Variants in SORCS2 observed in about 807,000 individuals in gnomAD.
The protein encoded by SORCS2 is sortilin related VPS10 domain containing receptor 2.
SORCS2 carries 100 observed loss-of-function variants against 141.6 expected under a neutral mutation model. The ratio of observed to expected loss-of-function variants is 0.71; its 90% CI spans 0.60 to 0.83. The LOEUF (loss-of-function observed/expected upper bound fraction) is 0.83. Among genes scored for constraint, SORCS2 ranks in the 40% least tolerant of loss-of-function variants. The pLI, the probability that SORCS2 is intolerant of heterozygous loss-of-function variation, is 0.00. For missense variants in SORCS2, 1,646 were observed against 1,560.2 expected (o/e 1.05, Z -0.93); for synonymous variants, 789 against 676.9 (o/e 1.17, Z -2.57).
chr4:7,529,503 T>TG (rs1733897775), intron 2 of SORCS2, among the ~76,000 whole-genome samples: 1 of 152,184 alleles, frequency 6.6e-6, no homozygotes, highest in Non-Finnish European at 1.5e-5. Flanking sequence ...CAGGCTCCTC[T>TG]GGCCCAGGGC....
At chr4:7,380,660 G>C (rs527509519) in intron 1 of SORCS2, among the ~76,000 whole-genome samples, 37 of 152,384 alleles carry the variant, frequency 2.4e-4, no homozygotes, top group African/African-American at 8.2e-4. Context: ...AATAAAGTCA[G>C]GGCGGGGCGT....
At chr4:7,687,995 T>C (rs1422865711) in intron 10 of SORCS2, among the ~76,000 whole-genome samples, 2 of 152,224 alleles carry the variant, frequency 1.3e-5, no homozygotes, top group Non-Finnish European at 2.9e-5. Context: ...CCAGTACATC[T>C]GTTAAACCCT....
In SORCS2 at chr4:7,509,208, C is replaced by G. The variant is rs563972048; in HGVS notation, c.549-22322C>G. ...GAGCTGGGAGCATTCGCTGCCCCCCCAGAGCAAGGGGACAAAGGGAGATGG... is the reference window on the plus strand; with the variant it reads ...GAGCTGGGAGCATTCGCTGCCCCCCGAGAGCAAGGGGACAAAGGGAGATGG... On this transcript the variant is annotated intron_variant, in intron 2 of 26. Coordinates refer to ENST00000507866, the MANE Select transcript of SORCS2 (RefSeq NM_020777.3). Among the ~76,000 whole-genome samples the G allele has an allele frequency of 7.2e-4, 110 of 152,186 alleles. 2 individuals carry two copies. The highest frequency in any genetic ancestry group is 5.0e-4 in the Non-Finnish European group (34 of 68,030).
chr4:7,277,394 G>C (rs1715572276), intron 1 of SORCS2, among the ~76,000 whole-genome samples: 1 of 152,152 alleles, frequency 6.6e-6, no homozygotes. Context: ...GAGTGTGTTT[G>C]TGTGTGTGTG....
chr4:7,396,058 A>G (rs1248469634), intron 1 of SORCS2, among the ~76,000 whole-genome samples: 1 of 152,196 alleles, frequency 6.6e-6, no homozygotes, highest in Non-Finnish European at 1.5e-5. Context: ...AGATGTTCCC[A>G]GAGTCATTCT....
chr4:7,644,994 A>T (rs955624903), intron 4 of SORCS2, among the ~76,000 whole-genome samples: 1 of 152,254 alleles, frequency 6.6e-6, no homozygotes, highest in African/African-American at 2.4e-5. Flanking sequence ...AGCGCCTCCC[A>T]GGAGAGTGAG....
In SORCS2 at chr4:7,734,200, C is replaced by T. The variant is rs143438759; in HGVS notation, c.3209-72C>T. On this transcript the variant is annotated intron_variant, in intron 24 of 26. Coordinates refer to ENST00000507866, the MANE Select transcript of SORCS2 (RefSeq NM_020777.3). The stretch of plus-strand genomic sequence containing the variant: ...AGGCTGGGGACGGGTGGGGGACAGA[C>T]GGGATGGGCTGGGGATGGGACAGGG... The T allele has an allele frequency of 2.9e-3, 2,823 of 975,306 alleles. 47 individuals are homozygous for T. The African/African-American group carries it at 0.049, about 17-fold the overall frequency. The allele number at this position is 975,306 out of a possible 1,614,324, so 60.4% of individuals were successfully genotyped here. A position where few individuals can be genotyped will look rare whatever the true frequency, so the allele number is the denominator to read the frequency against.
intron 1 of SORCS2, among the ~76,000 whole-genome samples, chr4:7,363,370 C>G (rs538053910): frequency 3.9e-5 from 6 of 152,324 alleles, no homozygotes; most frequent in South Asian, 2.1e-4. Flanking sequence ...ACTATCACCA[C>G]TATCACCACC....
intron 2 of SORCS2, among the ~76,000 whole-genome samples, chr4:7,454,720 A>G (rs1461113348): frequency 2.2e-4 from 9 of 40,170 alleles, no homozygotes; most frequent in South Asian, 1.0e-3. Context: ...TGGGGTCAGG[A>G]GCTGTGTGTT....
rs771116529 is a variant in SORCS2 at position 7,193,165 on chromosome 4, G to A, written c.480+39G>A. 3 of 1,447,742 alleles carry A rather than the reference G, an allele frequency of 2.1e-6. No homozygotes were observed. The highest frequency in any genetic ancestry group is 2.7e-6 in the Non-Finnish European group (3 of 1,105,042). 89.7% of individuals were successfully genotyped at this position (1,447,742 alleles called of 1,614,324 possible). A position where few individuals can be genotyped will look rare whatever the true frequency, so the allele number is the denominator to read the frequency against. ...ACGCGCTCGCCGCGGCCCCTACCCGGGACACCGCGGGACACCCGGGCGGGA... is the reference window on the plus strand; with the variant it reads ...ACGCGCTCGCCGCGGCCCCTACCCGAGACACCGCGGGACACCCGGGCGGGA... On this transcript the variant is annotated intron_variant, in intron 1 of 26. Coordinates refer to ENST00000507866, the MANE Select transcript of SORCS2 (RefSeq NM_020777.3). This position sits in a 1 kb window ranked among gnomAD's most constrained non-coding sequence, Gnocchi z 4.8.
At chr4:7,508,754 T>A (rs1732428216) in intron 2 of SORCS2, among the ~76,000 whole-genome samples, 1 of 152,192 alleles carries the variant, frequency 6.6e-6, no homozygotes, top group Non-Finnish European at 1.5e-5. Context: ...GTTGCATTTT[T>A]AAAAATGGCT....
chr4:7,378,864 G>A (rs1053869700), intron 1 of SORCS2, among the ~76,000 whole-genome samples: 4 of 152,178 alleles, frequency 2.6e-5, no homozygotes, highest in Non-Finnish European at 5.9e-5. Flanking sequence ...TGAATGAGAG[G>A]AAAGACCACA....
Position 7,669,497 on chromosome 4 carries a change from C to G in SORCS2, c.1161+2284C>G, listed in dbSNP as rs1722678048. On this transcript the variant is annotated intron_variant, in intron 8 of 26. Coordinates refer to ENST00000507866, the MANE Select transcript of SORCS2 (RefSeq NM_020777.3). ...TAGCCTGCTTCCTCTCCACCCAGGT[C>G]AGGACAGCAGCCTGCCCAGTGTTTC... 2.0e-5 allele frequency among the ~76,000 whole-genome samples: 3 copies of G among 152,254 alleles called. No homozygotes were observed. The South Asian group carries it at 6.2e-4, about 31-fold the overall frequency.
At chr4:7,687,179 G>T (rs954059610) in intron 10 of SORCS2, among the ~76,000 whole-genome samples, 1 of 152,192 alleles carries the variant, frequency 6.6e-6, no homozygotes, top group Non-Finnish European at 1.5e-5. Flanking sequence ...GCATGGCAGA[G>T]CCAGGGCGTC....
intron 3 of SORCS2, among the ~76,000 whole-genome samples, chr4:7,605,319 G>A (rs1243249433): frequency 6.6e-6 from 1 of 152,186 alleles, no homozygotes; most frequent in Non-Finnish European, 1.5e-5. Context: ...GTCATATTGA[G>A]TGTATGTTCA....
chr4:7,509,189 G>C (rs915807413), intron 2 of SORCS2, among the ~76,000 whole-genome samples: 7 of 152,196 alleles, frequency 4.6e-5, no homozygotes, highest in African/African-American at 1.7e-4. Flanking sequence ...ATTAGAGCTG[G>C]GAGCATTCGC....
At chr4:7,261,762 A>G (rs1376577990) in intron 1 of SORCS2, among the ~76,000 whole-genome samples, 2 of 152,196 alleles carry the variant, frequency 1.3e-5, no homozygotes, top group Non-Finnish European at 2.9e-5. Flanking sequence ...CTTTCCACCA[A>G]CATTCCCTGC....
At chr4:7,468,482 C>T (rs369794285) in intron 2 of SORCS2, among the ~76,000 whole-genome samples, 27 of 152,298 alleles carry the variant, frequency 1.8e-4, no homozygotes, top group African/African-American at 6.3e-4. Context: ...GTGTGCATAG[C>T]GTCGAGGATG....
At chr4:7,284,133 G>A (rs770896752) in intron 1 of SORCS2, among the ~76,000 whole-genome samples, 9 of 152,166 alleles carry the variant, frequency 5.9e-5, no homozygotes, top group Non-Finnish European at 1.3e-4. Flanking sequence ...CACAGAGAAG[G>A]CAGGACCGCG....
Sources: gnomAD v4.1 joint callset for allele counts (sites outside exome capture counted in the v4.1 genomes callset) on GRCh38, gnomAD v4.1.1 for gene constraint, Gnocchi (gnomAD v3.1) non-coding constraint, MANE v1.5 for transcripts, NCBI Gene and HGNC (gene_info 2026-07-23, HGNC 2026-07-21) for gene names.